The following TRPM3 variants were observed in gnomAD, a reference collection of about 807,000 sequenced individuals.
TRPM3 encodes the protein long transient receptor potential channel 3.
In TRPM3, 77 loss-of-function variants were observed where a neutral mutation model predicts 181.2. The ratio of observed to expected loss-of-function variants is 0.42; its 90% CI spans 0.35 to 0.51. The LOEUF is 0.51. TRPM3 is among the 20% of genes least tolerant of loss of function. TRPM3 has a pLI of 0.01. For missense variants in TRPM3, 1,759 were observed against 2,196.7 expected, an observed-to-expected ratio of 0.80 and a Z score of 3.98; for synonymous variants, 745 against 796.4, an observed-to-expected ratio of 0.94 and a Z score of 1.09.
chr9:71,412,485 C>A (rs1039599754), intron 1 of TRPM3, among the ~76,000 whole-genome samples: 7 of 152,142 alleles, frequency 4.6e-5, no homozygotes, highest in Non-Finnish European at 1.0e-4. Context: ...ATGCAGCCAA[C>A]AGACACATGA....
intron 2 of TRPM3, 25 bp from the exon 3 acceptor site, chr9:70,863,137 A>T (rs766449862): frequency 3.1e-6 from 5 of 1,600,564 alleles, no homozygotes; most frequent in Middle Eastern, 1.7e-4. Context: ...GTTAAAGTGA[A>T]CCCCTGGTAT....
intron 1 of TRPM3, among the ~76,000 whole-genome samples, chr9:71,270,794 A>T (rs969828827): frequency 1.3e-5 from 2 of 152,226 alleles, no homozygotes; most frequent in African/African-American, 4.8e-5. Context: ...GCTGAGACAT[A>T]AAATATATTG....
intron 1 of TRPM3, among the ~76,000 whole-genome samples, chr9:71,113,602 A>G (rs2071628751): frequency 6.6e-6 from 1 of 152,098 alleles, no homozygotes; most frequent in African/African-American, 2.4e-5. Flanking sequence ...CCGGAATACT[A>G]CCTATCGACT....
At chr9:70,898,111 A>G (rs1344401027) in intron 1 of TRPM3, among the ~76,000 whole-genome samples, 2 of 151,570 alleles carry the variant, frequency 1.3e-5, no homozygotes, top group African/African-American at 4.8e-5. Context: ...GCTCACTCAC[A>G]ATAAATTGTT....
chr9:70,753,436 G>A (rs558373922), intron 8 of TRPM3, among the ~76,000 whole-genome samples: 161 of 152,196 alleles, frequency 1.1e-3, no homozygotes, highest in Middle Eastern at 6.8e-3. Flanking sequence ...AGATAAATAC[G>A]AGGATTGGCT....
intron 12 of TRPM3, among the ~76,000 whole-genome samples, chr9:70,630,148 C>T (rs192765041): frequency 1.6e-4 from 25 of 152,288 alleles, no homozygotes; most frequent in Admixed American, 1.2e-3. Flanking sequence ...AACATGACCC[C>T]ATAGAGGAAA....
At chr9:70,803,214 A>G (rs369074693) in intron 6 of TRPM3, among the ~76,000 whole-genome samples, 5 of 151,970 alleles carry the variant, frequency 3.3e-5, no homozygotes, top group Admixed American at 2.6e-4. Flanking sequence ...CATCCTTGAC[A>G]GTCAGTCCCC....
Position 70,640,573 on chromosome 9 carries a change from C to T in TRPM3, c.1433G>A (p.Gly478Glu). The change falls in exon 10 of 26, where the codon GGG becomes GAG. Residue 478 changes from glycine to glutamate, a missense_variant. Physicochemically the swap from Gly to Glu is moderately conservative, Grantham distance 98. This residue lies in a region of TRPM3 where 737 missense variants were observed against 957.4 expected (regional missense o/e 0.77). Transcript: ENST00000677713. ...TATATACTCTACCGGCCACTGTTGC[C>T]CGTAAATAAAGATCTGGCTGCGAGC... ...DIARSQIFIY[G>E]QQWPVGSLEQ... 6.2e-7 allele frequency: 1 copy of T among 1,613,342 alleles called. No individual in the cohort carries two copies. The highest frequency in any genetic ancestry group is 8.5e-7 in the Non-Finnish European group (1 of 1,179,664).
chr9:71,395,159 C>G (rs1429392142), intron 1 of TRPM3, among the ~76,000 whole-genome samples: 6 of 152,158 alleles, frequency 3.9e-5, no homozygotes, highest in African/African-American at 1.4e-4. Flanking sequence ...CCCAGCCTTT[C>G]GTTTTTTCCT....
intron 1 of TRPM3, among the ~76,000 whole-genome samples, chr9:71,117,603 T>C (rs2072698335): frequency 6.6e-6 from 1 of 152,084 alleles, no homozygotes; most frequent in Admixed American, 6.6e-5. Context: ...AAAGATTAAG[T>C]AATTTGCCCA....
intron 1 of TRPM3, among the ~76,000 whole-genome samples, chr9:70,940,357 T>C (rs1440361051): frequency 6.6e-6 from 1 of 152,254 alleles, no homozygotes; most frequent in East Asian, 1.9e-4. Context: ...TATCTCTTTA[T>C]AGTTCTTTGA....
intron 7 of TRPM3, chr9:70,775,786 GAT>G (rs2081240731): frequency 7.1e-6 from 1 of 141,242 alleles, no homozygotes; most frequent in Non-Finnish European, 1.6e-5. Flanking sequence ...GCAATTGTGA[GAT>G]TTTTTTTTTT....
intron 1 of TRPM3, among the ~76,000 whole-genome samples, chr9:71,190,185 C>T (rs1259240532): frequency 1.3e-5 from 2 of 151,850 alleles, no homozygotes; most frequent in Admixed American, 6.6e-5. Flanking sequence ...TGTCACTTCA[C>T]ATAGCTGCGC....
At chr9:71,050,027 T>C (rs1347805564) in intron 1 of TRPM3, among the ~76,000 whole-genome samples, 2 of 152,128 alleles carry the variant, frequency 1.3e-5, no homozygotes, top group African/African-American at 4.8e-5. Context: ...AATATAATAA[T>C]AACAACCTTC....
intron 1 of TRPM3, among the ~76,000 whole-genome samples, chr9:70,898,140 G>C (rs1245282781): frequency 5.3e-5 from 8 of 151,476 alleles, no homozygotes; most frequent in Admixed American, 5.2e-4. Flanking sequence ...TTGGTGGCTG[G>C]GGGACGGAGT....
chr9:70,984,591 A>G (rs757743259), intron 1 of TRPM3, among the ~76,000 whole-genome samples: 1 of 152,232 alleles, frequency 6.6e-6, no homozygotes, highest in Non-Finnish European at 1.5e-5. Context: ...TGACCAGAAA[A>G]CAGATATTCT....
intron 1 of TRPM3, among the ~76,000 whole-genome samples, chr9:71,238,068 G>A (rs2081465908): frequency 6.6e-6 from 1 of 152,168 alleles, no homozygotes. Flanking sequence ...TCACTACAAT[G>A]AAGAATTGGC....
At chr9:71,370,477 G>GA (rs111456800) in intron 1 of TRPM3, among the ~76,000 whole-genome samples, 9,300 of 148,576 alleles carry the variant, frequency 0.063, 519 homozygotes, top group African/African-American at 0.15. Flanking sequence ...GGTCTGGATA[G>GA]AAAAAAAAAA....
chr9:70,619,516 A>C (rs1166129985), intron 16 of TRPM3, among the ~76,000 whole-genome samples: 1 of 147,206 alleles, frequency 6.8e-6, no homozygotes, highest in African/African-American at 2.5e-5. Flanking sequence ...TGGGCTCAAG[A>C]GATCCTCCCA....
Sources: allele counts gnomAD v4.1 joint callset (sites outside exome capture counted in the v4.1 genomes callset), GRCh38; gene constraint gnomAD v4.1.1; regional missense constraint gnomAD v4.1.1; transcripts MANE v1.5; gene names NCBI Gene and HGNC (gene_info 2026-07-23, HGNC 2026-07-21).